Variants in SHC3 observed in about 807,000 individuals in gnomAD.
The protein encoded by SHC3 is SHC adaptor protein 3.
SHC3 carries 15 observed loss-of-function variants against 60.4 expected under a neutral mutation model. That is an observed-to-expected ratio of 0.25 (90% CI 0.17 to 0.38). SHC3 has a LOEUF of 0.38. Ranked by LOEUF, SHC3 falls within the 10% of genes least tolerant of loss-of-function variation. The pLI, the probability that SHC3 is intolerant of heterozygous loss-of-function variation, is 1.00. For missense variants in SHC3, 677 were observed against 786.1 expected, an observed-to-expected ratio of 0.86 and a Z score of 1.66; for synonymous variants, 294 against 325.9, an observed-to-expected ratio of 0.90 and a Z score of 1.05.
intron 7 of SHC3, among the ~76,000 whole-genome samples, chr9:89,048,104 C>T (rs1041543219): frequency 6.6e-6 from 1 of 151,878 alleles, no homozygotes; most frequent in South Asian, 2.1e-4. Flanking sequence ...ATTAGCCAGG[C>T]GTGGTGGCAC....
chr9:89,144,702 T>C (rs566816257), intron 1 of SHC3, among the ~76,000 whole-genome samples: 1 of 152,254 alleles, frequency 6.6e-6, no homozygotes, highest in Non-Finnish European at 1.5e-5. Context: ...CATCAACTCA[T>C]CCTGAAAGTC....
At chr9:89,108,840 T>C (rs1278850507) in intron 2 of SHC3, among the ~76,000 whole-genome samples, 1 of 152,212 alleles carries the variant, frequency 6.6e-6, no homozygotes, top group Admixed American at 6.5e-5. Context: ...ATAGAACAGC[T>C]GCAGCCAATT....
chr9:89,103,107 C>T (rs895397773), intron 2 of SHC3, among the ~76,000 whole-genome samples: 3 of 152,070 alleles, frequency 2.0e-5, no homozygotes, highest in African/African-American at 4.8e-5. Flanking sequence ...CGGAACTTAA[C>T]GATGAATGCT....
chr9:89,070,172 T>C (rs1331258251), intron 5 of SHC3, among the ~76,000 whole-genome samples: 1 of 152,256 alleles, frequency 6.6e-6, no homozygotes, highest in African/African-American at 2.4e-5. Flanking sequence ...GTATAAAAGA[T>C]GGCTTCTTAG....
chr9:89,061,849 A>G (rs1564111296), intron 6 of SHC3, among the ~76,000 whole-genome samples: 1 of 152,088 alleles, frequency 6.6e-6, no homozygotes, highest in Non-Finnish European at 1.5e-5. Flanking sequence ...CATGCCTGGC[A>G]CTCACTTAGT....
chr9:89,140,044 C>T (rs554491149), intron 1 of SHC3, among the ~76,000 whole-genome samples: 20 of 152,272 alleles, frequency 1.3e-4, no homozygotes, highest in Non-Finnish European at 2.6e-4. Flanking sequence ...TTAAAACTGT[C>T]ATTTCTTGAA....
chr9:89,033,830 A>G (rs1037410211), intron 11 of SHC3, among the ~76,000 whole-genome samples: 1 of 152,222 alleles, frequency 6.6e-6, no homozygotes, highest in African/African-American at 2.4e-5. Flanking sequence ...TTTGGGATAA[A>G]AAGATTAGGG....
chr9:89,107,725 G>T (rs1210806169), intron 2 of SHC3, among the ~76,000 whole-genome samples: 2 of 152,202 alleles, frequency 1.3e-5, no homozygotes, highest in Non-Finnish European at 2.9e-5. Context: ...CAGGGATCAG[G>T]GTTGGGGGTG....
At chr9:89,116,589 C>A (rs561117638) in intron 1 of SHC3, among the ~76,000 whole-genome samples, 11 of 152,256 alleles carry the variant, frequency 7.2e-5, no homozygotes, top group Admixed American at 7.2e-4. Flanking sequence ...TATGTGAACA[C>A]CATAAACAAT....
intron 2 of SHC3, among the ~76,000 whole-genome samples, chr9:89,087,700 A>T (rs1825554737): frequency 6.6e-6 from 1 of 152,220 alleles, no homozygotes; most frequent in South Asian, 2.1e-4. Context: ...AAGCCCACCA[A>T]CCAACTGAAC....
At chr9:89,028,160 C>T (rs1378808462) in intron 11 of SHC3, among the ~76,000 whole-genome samples, 3 of 152,190 alleles carry the variant, frequency 2.0e-5, no homozygotes, top group Admixed American at 6.5e-5. Context: ...GACAAAACCA[C>T]GCCCACACAT....
intron 4 of SHC3, 148 bp downstream of exon 4, chr9:89,074,961 T>A: frequency 1.1e-6 from 1 of 947,980 alleles, no homozygotes; most frequent in East Asian, 2.9e-5. Flanking sequence ...CTCTTGGTGA[T>A]CCTTCAAAGT....
intron 7 of SHC3, among the ~76,000 whole-genome samples, chr9:89,050,589 T>C (rs1239365214): frequency 6.6e-6 from 1 of 152,196 alleles, no homozygotes. Flanking sequence ...CCCGGCCTTG[T>C]GTATGTTTTT....
chr9:89,075,227 G>A lies in SHC3; in HGVS notation c.611C>T (p.Pro204Leu). 3.7e-6 allele frequency: 6 copies of A among 1,613,554 alleles called. No homozygotes were observed. The highest frequency in any genetic ancestry group is 5.1e-6 in the Non-Finnish European group (6 of 1,179,718). ...GAKGAFKKRK[P>L]PSKMLSSILG... ...GATGCTGGACAGCATTTTGCTTGGA[G>A]GCTGTGAAATTAAAGAGCATTATTT... The change falls in exon 4 of 12, where the codon CCT becomes CTT. Residue 204 changes from proline to leucine, a missense_variant and splice_region_variant. Pro to Leu is a moderately conservative substitution (Grantham distance 98). Transcript: ENST00000375835.
chr9:89,035,988 T>A (rs576378663), intron 11 of SHC3, among the ~76,000 whole-genome samples: 21 of 151,802 alleles, frequency 1.4e-4, no homozygotes, highest in African/African-American at 4.6e-4. Flanking sequence ...AAAGAAAATA[T>A]ATATTCAAAT....
intron 8 of SHC3, among the ~76,000 whole-genome samples, chr9:89,046,074 C>A: frequency 8.5e-6 from 1 of 116,972 alleles, no homozygotes; most frequent in Admixed American, 9.5e-5. Context: ...GTTTTCATTA[C>A]CCCCCCCACC....
intron 6 of SHC3, among the ~76,000 whole-genome samples, chr9:89,062,235 T>C (rs1374055238): frequency 6.6e-6 from 1 of 152,208 alleles, no homozygotes; most frequent in Non-Finnish European, 1.5e-5. Flanking sequence ...GAAAATGATA[T>C]GTTAGAATTT....
chr9:89,164,077 CACAG>C (rs929262101), intron 1 of SHC3, among the ~76,000 whole-genome samples: 4 of 152,140 alleles, frequency 2.6e-5, no homozygotes, highest in African/African-American at 9.7e-5. Flanking sequence ...TCTGGGAGGA[CACAG>C]ACACTCAGTC....
At chr9:89,140,193 G>T (rs1189533876) in intron 1 of SHC3, among the ~76,000 whole-genome samples, 2 of 152,076 alleles carry the variant, frequency 1.3e-5, no homozygotes, top group Non-Finnish European at 2.9e-5. Context: ...ATAAATACAT[G>T]ACAGAAGAAG....
Sources: gnomAD v4.1 joint callset for allele counts (sites outside exome capture counted in the v4.1 genomes callset) on GRCh38, gnomAD v4.1.1 for gene constraint, MANE v1.5 for transcripts, NCBI Gene and HGNC (gene_info 2026-07-23, HGNC 2026-07-21) for gene names.